The following ARID5B variants were observed in gnomAD, a reference collection of about 807,000 sequenced individuals.
ARID5B encodes AT-rich interactive domain-containing protein 5B.
Under a neutral mutation model 97.2 loss-of-function variants are expected in ARID5B, and 13 were observed. The ratio of observed to expected loss-of-function variants is 0.13; its 90% confidence interval spans 0.09 to 0.21. ARID5B has a LOEUF of 0.21. Ranked by LOEUF, ARID5B falls within the 10% of genes least tolerant of loss-of-function variation. The pLI is 1.00. For synonymous variants in ARID5B, 556 were observed against 570.3 expected, an observed-to-expected ratio of 0.97 and a Z score of 0.36; for missense variants, 1,210 against 1,465.3, an observed-to-expected ratio of 0.83 and a Z score of 2.84.
chr10:62,063,240 G>A (rs1429112710), intron 7 of ARID5B, among the ~76,000 whole-genome samples: 1 of 152,148 alleles, frequency 6.6e-6, no homozygotes, highest in African/African-American at 2.4e-5. Flanking sequence ...AACAAAATGT[G>A]TGAATTCAGG....
chr10:62,008,364 A>G (rs1280747594), intron 4 of ARID5B, among the ~76,000 whole-genome samples: 1 of 152,194 alleles, frequency 6.6e-6, no homozygotes, highest in African/African-American at 2.4e-5. Context: ...GCACCTTTAC[A>G]TTAGGCTGCC....
At chr10:61,917,170 A>G (rs1843922003) in intron 2 of ARID5B, among the ~76,000 whole-genome samples, 1 of 151,924 alleles carries the variant, frequency 6.6e-6, no homozygotes. Flanking sequence ...TAGTAAAAAA[A>G]AAAAAAAAAA....
At chr10:61,903,909 G>A (rs1014864372) in intron 2 of ARID5B, among the ~76,000 whole-genome samples, 6 of 18,244 alleles carry the variant, frequency 3.3e-4, no homozygotes, top group East Asian at 3.6e-3. Flanking sequence ...CACCCTCCCC[G>A]GCCAGCTTTG....
chr10:62,062,185 A>G (rs533744814), intron 7 of ARID5B, among the ~76,000 whole-genome samples: 219 of 152,370 alleles, frequency 1.4e-3, no homozygotes, highest in Non-Finnish European at 2.3e-3. Context: ...AATAATATCC[A>G]AAGTCTGAAG....
intron 7 of ARID5B, among the ~76,000 whole-genome samples, chr10:62,060,991 T>C (rs542572524): frequency 6.6e-6 from 1 of 152,350 alleles, no homozygotes; most frequent in South Asian, 2.1e-4. Context: ...GCATTTGCAG[T>C]ACTCTTTGAA....
At chr10:61,930,466 A>G (rs951196510) in intron 2 of ARID5B, among the ~76,000 whole-genome samples, 3 of 152,106 alleles carry the variant, frequency 2.0e-5, no homozygotes, top group Non-Finnish European at 2.9e-5. Flanking sequence ...CACACCTGTA[A>G]TCCTAGCACT....
At chr10:61,950,241 C>T (rs746022592) in intron 3 of ARID5B, among the ~76,000 whole-genome samples, 2 of 152,158 alleles carry the variant, frequency 1.3e-5, no homozygotes, top group Non-Finnish European at 2.9e-5. Context: ...CTCCTGACCT[C>T]GTGATCTGCC....
intron 2 of ARID5B, among the ~76,000 whole-genome samples, chr10:61,922,178 T>A (rs1329431206): frequency 3.3e-5 from 5 of 152,238 alleles, no homozygotes; most frequent in African/African-American, 1.2e-4. Flanking sequence ...ACATCTAATG[T>A]CTTGATCATT....
chr10:61,929,374 T>C (rs993791561), intron 2 of ARID5B, among the ~76,000 whole-genome samples: 2 of 152,210 alleles, frequency 1.3e-5, no homozygotes, highest in African/African-American at 4.8e-5. Flanking sequence ...ATTACACTTG[T>C]GCATTTATTG....
chr10:61,921,423 T>C (rs1425372439), intron 2 of ARID5B, among the ~76,000 whole-genome samples: 3 of 152,238 alleles, frequency 2.0e-5, no homozygotes, highest in Admixed American at 2.0e-4. Flanking sequence ...CTCAGGCTGT[T>C]GGACTGAGGC....
intron 4 of ARID5B, among the ~76,000 whole-genome samples, chr10:62,007,690 GA>G (rs1316665575): frequency 6.6e-6 from 1 of 152,142 alleles, no homozygotes; most frequent in Non-Finnish European, 1.5e-5. Flanking sequence ...TGGTTCCTCA[GA>G]AAACACCCAC....
chr10:61,913,137 G>A (rs1458855073), intron 2 of ARID5B, among the ~76,000 whole-genome samples: 1 of 152,306 alleles, frequency 6.6e-6, no homozygotes, highest in Non-Finnish European at 1.5e-5. Flanking sequence ...CAAGGCAAAA[G>A]GCAGACCAGT....
At chr10:61,907,370 A>AT (rs1198621568) in intron 2 of ARID5B, among the ~76,000 whole-genome samples, 8 of 152,044 alleles carry the variant, frequency 5.3e-5, no homozygotes, top group Non-Finnish European at 1.0e-4. Context: ...CCATAAGGTA[A>AT]TTTTTTAGAG....
rs754498696 is a variant in ARID5B, at chr10:62,030,451, G to C, written c.734-20437G>C. ...CGGCCAATGCAGGTATTTTAAGTAA[G>C]GAACCGCACAACAGGAAAAGCAGAA... On this transcript the variant is annotated intron_variant, in intron 4 of 9. Coordinates refer to ENST00000279873, the MANE Select transcript of ARID5B (RefSeq NM_032199.3). Among the ~76,000 whole-genome samples the C allele has an allele frequency of 1.1e-3, 172 of 152,182 alleles. 1 individual carries two copies. The highest frequency in any genetic ancestry group is 3.4e-3 in the Middle Eastern group (1 of 294).
intron 2 of ARID5B, among the ~76,000 whole-genome samples, chr10:61,913,837 C>T (rs543925199): frequency 9.2e-5 from 14 of 152,302 alleles, no homozygotes; most frequent in South Asian, 4.1e-4. Flanking sequence ...CCGCAACCTC[C>T]GCCTCCCAGA....
intron 5 of ARID5B, among the ~76,000 whole-genome samples, chr10:62,054,978 A>G (rs1256969792): frequency 6.6e-6 from 1 of 152,200 alleles, no homozygotes; most frequent in East Asian, 1.9e-4. Context: ...TGTGAAGCCC[A>G]CAGCACTGTA....
At chr10:62,022,207 T>C (rs1839365487) in intron 4 of ARID5B, among the ~76,000 whole-genome samples, 1 of 152,204 alleles carries the variant, frequency 6.6e-6, no homozygotes, top group African/African-American at 2.4e-5. Context: ...GCAAAACCCA[T>C]GTGAGCAATG....
intron 7 of ARID5B, among the ~76,000 whole-genome samples, chr10:62,062,145 GAA>G: frequency 6.6e-6 from 1 of 152,320 alleles, no homozygotes; most frequent in South Asian, 2.1e-4. Context: ...AATGGGCATT[GAA>G]TTTTGAAGTC....
intron 3 of ARID5B, among the ~76,000 whole-genome samples, chr10:61,969,578 C>T (rs545210610): frequency 6.6e-6 from 1 of 152,246 alleles, no homozygotes; most frequent in South Asian, 2.1e-4. Context: ...GTTGAGTTTA[C>T]CAAATCAGCC....
Sources: allele counts gnomAD v4.1 joint callset (sites outside exome capture counted in the v4.1 genomes callset), GRCh38; gene constraint gnomAD v4.1.1; transcripts MANE v1.5; gene names NCBI Gene and HGNC (gene_info 2026-07-23, HGNC 2026-07-21).